Variants in IL16 observed in about 807,000 individuals in gnomAD.
IL16 encodes the protein interleukin 16.
IL16 carries 67 observed loss-of-function variants against 110.1 expected under a neutral mutation model. That is an observed-to-expected ratio of 0.61 (90% CI 0.50 to 0.75). The LOEUF (loss-of-function observed/expected upper bound fraction) is 0.75, where lower values mean the gene tolerates loss of function less well. Among genes scored for constraint, IL16 ranks in the 30% least tolerant of loss-of-function variants. IL16 has a pLI of 0.00. For missense variants in IL16, 1,545 were observed against 1,655.0 expected (o/e 0.93, Z 1.15); for synonymous variants, 689 against 662.9 (o/e 1.04, Z -0.61).
intron 10 of IL16, among the ~76,000 whole-genome samples, chr15:81,287,951 T>C (rs1047111983): frequency 1.3e-5 from 2 of 152,248 alleles, no homozygotes; most frequent in Non-Finnish European, 2.9e-5. Context: ...CTTTTAGGAC[T>C]ACGGCAGAAA....
In IL16 at chr15:81,308,949, A is replaced by T; in HGVS notation, c.*151A>T. On this transcript the variant is annotated 3_prime_UTR_variant, in exon 19 of 19. Coordinates refer to ENST00000683961, the MANE Select transcript of IL16 (RefSeq NM_172217.5). ...GCTGCTGCCCAGGCCCAGACCTTCTAGGACGCCACCCAGCAAAAGGTTGTT... is the reference window on the plus strand; with the variant it reads ...GCTGCTGCCCAGGCCCAGACCTTCTTGGACGCCACCCAGCAAAAGGTTGTT... 1 of 589,858 alleles carries T rather than the reference A, an allele frequency of 1.7e-6. No individual in the cohort carries two copies. The highest frequency in any genetic ancestry group is 3.1e-5 in the East Asian group (1 of 31,988). The allele number at this position is 589,858 out of a possible 1,614,324, so 36.5% of individuals were successfully genotyped here. A position where few individuals can be genotyped will look rare whatever the true frequency, so the allele number is the denominator to read the frequency against.
intron 2 of IL16, among the ~76,000 whole-genome samples, chr15:81,239,131 A>C (rs1331508953): frequency 2.6e-5 from 4 of 151,150 alleles, no homozygotes. Flanking sequence ...ATTTTAGTTT[A>C]TCTTTTCTCA....
In IL16 at chr15:81,313,314, C is replaced by T. The variant is rs183582044; in HGVS notation, c.*4516C>T. ...GTTGGCATAAAACCGGGTCATGCTG[C>T]GGGGGAAGAAGGAGTCCACCACGTT... On this transcript the variant is annotated 3_prime_UTR_variant, in exon 19 of 19. Transcript: ENST00000683961. The T allele has an allele frequency of 2.3e-4, 363 of 1,577,528 alleles. 3 individuals carry two copies. The East Asian group carries it at 5.9e-3, about 26-fold the overall frequency.
chr15:81,285,012 A>C (rs550967005), intron 9 of IL16, among the ~76,000 whole-genome samples: 2 of 152,144 alleles, frequency 1.3e-5, no homozygotes, highest in Admixed American at 6.5e-5. Context: ...CAATTTCCCT[A>C]TCTAGGTCGG....
intron 4 of IL16, among the ~76,000 whole-genome samples, chr15:81,268,383 A>G (rs541792253): frequency 6.6e-6 from 1 of 152,412 alleles, no homozygotes; most frequent in African/African-American, 2.4e-5. Context: ...AGTACTGTTA[A>G]TATCCACCTT....
rs17875557 is a variant in IL16 at position 81,309,806 on chromosome 15, G to A, written c.*1008G>A. ...CCAAGCACTGTGCTCAGGGCTAAAC[G>A]GGCATTGCCTTTAGTGATCACAGCA... On this transcript the variant is annotated 3_prime_UTR_variant, in exon 19 of 19. Coordinates refer to ENST00000683961, the MANE Select transcript of IL16 (RefSeq NM_172217.5). 0.096 allele frequency: 14,547 copies of A among 152,270 alleles called. 720 individuals carry two copies. Among genetic ancestry groups the A allele is most frequent in the Middle Eastern group, 0.19 (55 of 294 alleles). 9.4% of individuals were successfully genotyped at this position (152,270 alleles called of 1,614,324 possible). A position where few individuals can be genotyped will look rare whatever the true frequency, so the allele number is the denominator to read the frequency against.
intron 2 of IL16, among the ~76,000 whole-genome samples, chr15:81,247,647 G>A (rs1028244993): frequency 1.3e-5 from 2 of 148,850 alleles, no homozygotes; most frequent in Admixed American, 6.6e-5. Context: ...CATTGCTATG[G>A]TGTGTGTGTA....
intron 2 of IL16, among the ~76,000 whole-genome samples, chr15:81,226,949 GAATGGATTATTCAC>G (rs1427466955): frequency 3.3e-5 from 5 of 152,202 alleles, no homozygotes; most frequent in Admixed American, 1.3e-4. Flanking sequence ...CAGAATCCTA[GAATGGATTATTCAC>G]ATGCTTCCTC....
At chr15:81,211,775 T>C (rs1896252811) in intron 1 of IL16, among the ~76,000 whole-genome samples, 1 of 152,222 alleles carries the variant, frequency 6.6e-6, no homozygotes, top group African/African-American at 2.4e-5. Context: ...GATGATCATA[T>C]GGTTTTTGCT....
intron 10 of IL16, among the ~76,000 whole-genome samples, chr15:81,287,340 G>A (rs1001239704): frequency 2.0e-5 from 3 of 152,208 alleles, no homozygotes; most frequent in African/African-American, 7.2e-5. Flanking sequence ...AGGTACCACG[G>A]GGTGTCCAGG....
intron 18 of IL16, among the ~76,000 whole-genome samples, chr15:81,308,079 T>TG (rs1012844949): frequency 1.3e-5 from 2 of 152,136 alleles, no homozygotes; most frequent in African/African-American, 4.8e-5. Context: ...TTTGAAATAG[T>TG]GGGGGCCATA....
chr15:81,221,683 T>TA (rs34717132), intron 1 of IL16, among the ~76,000 whole-genome samples: 34,033 of 148,876 alleles, frequency 0.23, 5,261 homozygotes, highest in African/African-American at 0.45. Flanking sequence ...TCTCTTCCTT[T>TA]AAAAAAAAAA....
In IL16 at chr15:81,236,370, T is replaced by C. The variant is rs546811140; in HGVS notation, c.312+10659T>C. On this transcript the variant is annotated intron_variant, in intron 2 of 18. Transcript: ENST00000683961. ...GAGAGCAGCCACTGAGAGGGAAGCTTAGGGCTCCATGACTCCCACAGAGCC... is the reference window on the plus strand; with the variant it reads ...GAGAGCAGCCACTGAGAGGGAAGCTCAGGGCTCCATGACTCCCACAGAGCC... 9.9e-4 allele frequency among the ~76,000 whole-genome samples: 151 copies of C among 152,116 alleles called. 1 individual carries two copies. Among genetic ancestry groups the C allele is most frequent in the Non-Finnish European group, 7.1e-4 (48 of 67,972 alleles).
At chr15:81,231,636 G>C (rs1045435155) in intron 2 of IL16, among the ~76,000 whole-genome samples, 5 of 152,184 alleles carry the variant, frequency 3.3e-5, no homozygotes, top group Non-Finnish European at 5.9e-5. Context: ...GCCTCCCACA[G>C]TGCTGGGATT....
Position 81,310,682 on chromosome 15 carries a change from C to T in IL16, c.*1884C>T, listed in dbSNP as rs762317034. Reference sequence around the variant, plus strand: ...CCTGCACAAACTCACCATCTGTGCACGCAGTGGCCTTCCCTAAAATCAGGG... The same window carrying T: ...CCTGCACAAACTCACCATCTGTGCATGCAGTGGCCTTCCCTAAAATCAGGG... On this transcript the variant is annotated 3_prime_UTR_variant, in exon 19 of 19. Coordinates refer to ENST00000683961, the MANE Select transcript of IL16 (RefSeq NM_172217.5). 1 of 152,160 alleles carries T rather than the reference C, an allele frequency of 6.6e-6. No homozygotes were observed. The highest frequency in any genetic ancestry group is 1.5e-5 in the Non-Finnish European group (1 of 68,040). 9.4% of individuals were successfully genotyped at this position (152,160 alleles called of 1,614,324 possible).
chr15:81,287,466 C>T (rs1899502945), intron 10 of IL16, among the ~76,000 whole-genome samples: 1 of 152,150 alleles, frequency 6.6e-6, no homozygotes, highest in South Asian at 2.1e-4. Flanking sequence ...TCTGGGGAAC[C>T]TGGAATAATC....
chr15:81,300,549 T>A (rs1900230441), intron 14 of IL16, 74 bp downstream of exon 14: 1 of 959,926 alleles, frequency 1.0e-6, no homozygotes, highest in African/African-American at 1.7e-5. Flanking sequence ...TTAAAAATAA[T>A]CCTATATATA....
chr15:81,299,610 G>C lies in IL16; in HGVS notation c.2284G>C (p.Asp762His), dbSNP rs763825195. The change falls in exon 14 of 19, where the codon GAC becomes CAC. Residue 762 changes from aspartate to histidine, a missense_variant. Around this residue, in one of 3 missense-constraint regions of IL16, gnomAD observed 1,185 missense variants for 1,238.8 expected, o/e 0.96. Coordinates refer to ENST00000683961, the MANE Select transcript of IL16 (RefSeq NM_172217.5). ...CCCAGATGGGACCCCACCAAAGCTG[G>C]ACACCGCCAATGGCACTCCCAAAGT... ...GHPDGTPPKL[D>H]TANGTPKVYK... The C allele has an allele frequency of 6.2e-7, 1 of 1,614,176 alleles. No homozygotes were observed. The highest frequency in any genetic ancestry group is 8.5e-7 in the Non-Finnish European group (1 of 1,180,042).
At chr15:81,244,207 C>A (rs145566898) in intron 2 of IL16, among the ~76,000 whole-genome samples, 26 of 152,234 alleles carry the variant, frequency 1.7e-4, no homozygotes, top group African/African-American at 6.3e-4. Context: ...TTTTTTGCTT[C>A]AACCATCAAA....
Sources: allele counts gnomAD v4.1 joint callset (sites outside exome capture counted in the v4.1 genomes callset), GRCh38; gene constraint gnomAD v4.1.1; regional missense constraint gnomAD v4.1.1; transcripts MANE v1.5; gene names NCBI Gene and HGNC (gene_info 2026-07-23, HGNC 2026-07-21).